Variants in HHIPL1 observed in about 807,000 individuals in gnomAD.
HHIPL1 encodes HHIP like 1.
A neutral mutation model predicts 61.8 loss-of-function variants in HHIPL1; 43 were observed. That is an observed-to-expected ratio of 0.70 (90% CI 0.55 to 0.90). The LOEUF (loss-of-function observed/expected upper bound fraction) is 0.90. Ranked by LOEUF, HHIPL1 falls within the 40% of genes least tolerant of loss-of-function variation. The pLI is 0.00. For synonymous variants in HHIPL1, 482 were observed against 515.8 expected (o/e 0.93, Z 0.89); for missense variants, 1,056 against 1,157.7 (o/e 0.91, Z 1.28).
chr14:99,635,365 GC>G, the HHIPL1 span, among the ~76,000 whole-genome samples: 2 of 151,910 alleles, frequency 1.3e-5, no homozygotes, highest in African/African-American at 4.8e-5. Flanking sequence ...CCCTGTCCCT[GC>G]CCCTGCTGTG....
At chr14:99,666,747 C>T (rs750823331) in intron 6 of HHIPL1, among the ~76,000 whole-genome samples, 10 of 152,148 alleles carry the variant, frequency 6.6e-5, no homozygotes, top group Admixed American at 3.3e-4. Context: ...ACATTCCACC[C>T]GGGGACCCCC....
intron 2 of HHIPL1, among the ~76,000 whole-genome samples, chr14:99,653,166 C>G (rs1360080575): frequency 6.6e-6 from 1 of 152,126 alleles, no homozygotes; most frequent in Non-Finnish European, 1.5e-5. Context: ...CCCACTGAGG[C>G]TAGTATTATT....
At chr14:99,639,587 T>C in the HHIPL1 span, among the ~76,000 whole-genome samples, 1 of 152,188 alleles carries the variant, frequency 6.6e-6, no homozygotes, top group Non-Finnish European at 1.5e-5. Context: ...GCTCAAGCAA[T>C]CTGCCTGCCT....
chr14:99,637,083 AG>A, the HHIPL1 span, among the ~76,000 whole-genome samples: 2,524 of 126,864 alleles, frequency 0.02, 206 homozygotes, highest in African/African-American at 0.068. Flanking sequence ...AGAGAGAGAA[AG>A]AAAGAAAGAA....
rs144422963 is a variant in HHIPL1 at position 99,678,032 on chromosome 14, G to A, written c.*2406G>A. On this transcript the variant is annotated 3_prime_UTR_variant, in exon 9 of 9. Coordinates refer to ENST00000330710, the MANE Select transcript of HHIPL1 (RefSeq NM_001127258.3). ...GATGGGGGTTGGGGGGATGGTTTTG[G>A]GATGAAATGTCCCACCTCAGATCAT... is the stretch of plus-strand genomic sequence containing the variant. 1 of 152,234 alleles carries A rather than the reference G, an allele frequency of 6.6e-6. No individual in the cohort carries two copies. The highest frequency in any genetic ancestry group is 1.5e-5 in the Non-Finnish European group (1 of 68,114). The allele number at this position is 152,234 out of a possible 1,614,324, so 9.4% of individuals were successfully genotyped here.
At chr14:99,605,908 G>C in the HHIPL1 span, among the ~76,000 whole-genome samples, 1 of 152,190 alleles carries the variant, frequency 6.6e-6, no homozygotes, top group Admixed American at 6.5e-5. Context: ...CAGGGAAGAG[G>C]CGTGAGAGCT....
At chr14:99,637,992 G>A in the HHIPL1 span, among the ~76,000 whole-genome samples, 23,939 of 152,166 alleles carry the variant, frequency 0.16, 2,251 homozygotes, top group South Asian at 0.28. Context: ...TTTTAAAAAG[G>A]ATTTCAGACA....
chr14:99,634,898 A>G, the HHIPL1 span, among the ~76,000 whole-genome samples: 1 of 152,106 alleles, frequency 6.6e-6, no homozygotes, highest in Non-Finnish European at 1.5e-5. Flanking sequence ...CTGACAGGAA[A>G]CTTCAAACAC....
Position 99,652,247 on chromosome 14 carries a change from C to A in HHIPL1, c.279C>A (p.His93Gln). The A allele has an allele frequency of 6.2e-7, 1 of 1,608,454 alleles. No individual in the cohort carries two copies. Among genetic ancestry groups the A allele is most frequent in the South Asian group, 1.1e-5 (1 of 90,684 alleles). Residue 93 changes from histidine (H) to glutamine (Q), a missense_variant, in exon 2 of 9, where the codon CAC (histidine) becomes CAA (glutamine). Transcript: ENST00000330710. ...AGGAATGCTCGCCGTATGCAGCCCA[C>A]CTCTATGACGCCGAGGACCCATTCA... Reference protein sequence around the residue: ...LCQECSPYAAHLYDAEDPFTP... With the variant: ...LCQECSPYAAQLYDAEDPFTP...
the HHIPL1 span, among the ~76,000 whole-genome samples, chr14:99,631,112 CTCTT>C: frequency 9.9e-5 from 13 of 131,772 alleles, no homozygotes; most frequent in African/African-American, 1.2e-4. Flanking sequence ...TTCTTTCTCT[CTCTT>C]TCTTTCTTTC....
At chr14:99,674,174 C>T (rs56317087) in intron 8 of HHIPL1, among the ~76,000 whole-genome samples, 24,992 of 151,842 alleles carry the variant, frequency 0.16, 2,571 homozygotes, top group African/African-American at 0.3. Context: ...TGAAGTGGGG[C>T]GGGATTAAAG....
At chr14:99,669,414 C>A in intron 7 of HHIPL1, 1 of 820,292 alleles carries the variant, frequency 1.2e-6, no homozygotes, top group Non-Finnish European at 1.5e-6. Flanking sequence ...AGAATCCACA[C>A]CTTTGGCAGA....
Position 99,668,224 on chromosome 14 carries a change from G to T in HHIPL1, c.1651G>T (p.Glu551Ter). 1 of 1,603,880 alleles carries T rather than the reference G, an allele frequency of 6.2e-7. No homozygotes were observed. The highest frequency in any genetic ancestry group is 8.5e-7 in the Non-Finnish European group (1 of 1,170,740). Reference sequence around the variant, plus strand: ...TAGTCACTTTGTTCTGTCCAAAGGGGAGCTGTACTTCATGTCGACAGGGGA... The same window carrying T: ...TAGTCACTTTGTTCTGTCCAAAGGGTAGCTGTACTTCATGTCGACAGGGGA... ...IISFGEDEAG[E>*]LYFMSTGEPS... is the part of the protein sequence containing the mutation. The change falls in exon 7 of 9, where the codon GAG (glutamate) becomes TAG (stop). Residue 551 changes from glutamate to a stop codon, truncating the protein, a stop_gained and splice_region_variant. Transcript: ENST00000330710. LOFTEE classifies it high-confidence loss of function. This position sits in a 1 kb window ranked among gnomAD's most constrained non-coding sequence, Gnocchi z 4.7.
intron 2 of HHIPL1, among the ~76,000 whole-genome samples, chr14:99,654,586 C>T (rs1277338342): frequency 6.6e-6 from 1 of 152,136 alleles, no homozygotes; most frequent in Non-Finnish European, 1.5e-5. Context: ...GGGGGAGGGC[C>T]AGGACTGGGT....
intron 8 of HHIPL1, among the ~76,000 whole-genome samples, chr14:99,672,634 TG>T (rs1362214726): frequency 6.6e-6 from 1 of 152,194 alleles, no homozygotes; most frequent in Admixed American, 6.5e-5. Context: ...GAGAAATAGC[TG>T]GTGCCAGGCA....
chr14:99,620,719 G>T, the HHIPL1 span, among the ~76,000 whole-genome samples: 6 of 152,212 alleles, frequency 3.9e-5, no homozygotes, highest in Admixed American at 2.0e-4. Context: ...GGCTTCCCAG[G>T]GCTCTGGCTG....
chr14:99,607,401 G>A, the HHIPL1 span, among the ~76,000 whole-genome samples: 3 of 152,032 alleles, frequency 2.0e-5, no homozygotes, highest in African/African-American at 7.3e-5. Context: ...AGGTGCCCAG[G>A]GAAAGTAGCT....
At chr14:99,659,846 ACCC>A in intron 4 of HHIPL1, 90 bp downstream of exon 4, 1 of 261,574 alleles carries the variant, frequency 3.8e-6, no homozygotes, top group African/African-American at 9.5e-5. Flanking sequence ...CGGAGACCGC[ACCC>A]CCCCCCCCCC....
the HHIPL1 span, among the ~76,000 whole-genome samples, chr14:99,627,153 C>T: frequency 5.3e-5 from 8 of 152,126 alleles, no homozygotes; most frequent in African/African-American, 1.7e-4. This position sits in a 1 kb window ranked among gnomAD's most constrained non-coding sequence, Gnocchi z 4.4. Context: ...TCCATCCATC[C>T]ACCTATCTGT....
Sources: gnomAD v4.1 joint callset for allele counts (sites outside exome capture counted in the v4.1 genomes callset) on GRCh38, gnomAD v4.1.1 for gene constraint, Gnocchi (gnomAD v3.1) non-coding constraint, MANE v1.5 for transcripts, NCBI Gene and HGNC (gene_info 2026-07-23, HGNC 2026-07-21) for gene names.